MTCL1: variants seen among roughly 807,000 people sequenced by gnomAD.
MTCL1 encodes microtubule cross-linking factor 1.
A neutral mutation model predicts 141.4 loss-of-function variants in MTCL1; 79 were observed. That is an observed-to-expected ratio of 0.56 (90% CI 0.47 to 0.67). The LOEUF (loss-of-function observed/expected upper bound fraction) is 0.67, where lower values mean the gene tolerates loss of function less well. Ranked by LOEUF, MTCL1 falls within the 30% of genes least tolerant of loss-of-function variation. The pLI is 0.00. For missense variants in MTCL1, 2,177 were observed against 2,113.9 expected, an observed-to-expected ratio of 1.03 and a Z score of -0.59; for synonymous variants, 914 against 875.8, an observed-to-expected ratio of 1.04 and a Z score of -0.77.
At position 8,743,662 on chromosome 18, in the gene MTCL1, C is replaced by T. The variant is rs545392841; in HGVS notation, c.357+23166C>T. On this transcript the variant is annotated intron_variant, in intron 4 of 16. Coordinates refer to ENST00000359865, the Ensembl canonical transcript of MTCL1. ...TCTTCATCTTCAAAGCCAGCAATGG[C>T]GGGCTGAGAGCTTTCCCTGCCATTT... Among the ~76,000 whole-genome samples, 390 of 152,354 alleles carry T rather than the reference C, an allele frequency of 2.6e-3. 3 individuals are homozygous for T. Among genetic ancestry groups the T allele is most frequent in the Non-Finnish European group, 4.1e-3 (281 of 68,036 alleles).
At chr18:8,718,914 T>G (rs1424909558) in intron 3 of MTCL1, among the ~76,000 whole-genome samples, 1 of 150,794 alleles carries the variant, frequency 6.6e-6, no homozygotes, top group African/African-American at 2.5e-5. Context: ...GGTCTGACAA[T>G]TGGATAGAAA....
intron 4 of MTCL1, among the ~76,000 whole-genome samples, chr18:8,742,238 C>T (rs1308461803): frequency 6.6e-6 from 1 of 152,156 alleles, no homozygotes; most frequent in Non-Finnish European, 1.5e-5. Flanking sequence ...CGTGAGATAC[C>T]TGTCTCCAAC....
exon 11 of MTCL1, chr18:8,806,997 A>G (rs370599907): frequency 4.3e-6 from 7 of 1,613,834 alleles, no homozygotes; most frequent in African/African-American, 2.7e-5. Context: ...TGCAGCAGCA[A>G]TATGCCAGCG....
At chr18:8,800,240 T>C (rs2076071279) in intron 10 of MTCL1, among the ~76,000 whole-genome samples, 1 of 152,210 alleles carries the variant, frequency 6.6e-6, no homozygotes, top group Admixed American at 6.5e-5. Context: ...CTCACAGAGC[T>C]GCACAGAGCC....
In MTCL1 at chr18:8,825,916, G is replaced by A. The variant is rs770565324; in HGVS notation, c.4406G>A (p.Arg1469Gln). ...CAGAAGGGGCTGCGGGCCGGCAGTCGGTCTCGCTCAGCAGAGCCCCGACCA... is the reference window on the plus strand; with the variant it reads ...CAGAAGGGGCTGCGGGCCGGCAGTCAGTCTCGCTCAGCAGAGCCCCGACCA... The change falls in exon 15 of 17, where the codon CGG becomes CAG. Residue 1469 changes from arginine (R) to glutamine (Q), a missense_variant. Transcript: ENST00000359865. 2.4e-5 allele frequency: 38 copies of A among 1,609,762 alleles called. No individual in the cohort carries two copies. The highest frequency in any genetic ancestry group is 8.0e-5 in the African/African-American group (6 of 74,912).
At chr18:8,793,189 G>A (rs754520868) in intron 8 of MTCL1, 69 bp downstream of exon 7, 73 of 1,587,996 alleles carry the variant, frequency 4.6e-5, no homozygotes, top group Non-Finnish European at 5.8e-5. Context: ...GAAATGCCAC[G>A]ATACATTTTC....
exon 1 of MTCL1, chr18:8,706,042 G>A: frequency 8.4e-7 from 1 of 1,184,342 alleles, no homozygotes; most frequent in Non-Finnish European, 1.0e-6. Context: ...GGCTGCCCTG[G>A]GAAGCAGGAG....
At chr18:8,728,946 G>C (rs2096235010) in intron 4 of MTCL1, among the ~76,000 whole-genome samples, 1 of 151,788 alleles carries the variant, frequency 6.6e-6, no homozygotes, top group Non-Finnish European at 1.5e-5. Flanking sequence ...ATGTTGGCCA[G>C]GCTGGTCTCA....
exon 6 of MTCL1, chr18:8,783,578 G>T: frequency 3.1e-6 from 5 of 1,612,464 alleles, no homozygotes; most frequent in Non-Finnish European, 4.2e-6. Flanking sequence ...CAAAGAGGAA[G>T]CCTTCCTGAT....
intron 4 of MTCL1, 21 bp downstream of exon 3, chr18:8,720,517 T>C (rs2096163138): frequency 6.2e-7 from 1 of 1,607,328 alleles, no homozygotes; most frequent in East Asian, 2.2e-5. Context: ...ACTGTGGGGG[T>C]CCTGCCCCCT....
At chr18:8,825,210 A>C in exon 15 of MTCL1, 1 of 1,595,442 alleles carries the variant, frequency 6.3e-7, no homozygotes, top group Non-Finnish European at 8.5e-7. Flanking sequence ...TCCAGAACCC[A>C]TGCTCAGCAG....
intron 7 of MTCL1, among the ~76,000 whole-genome samples, chr18:8,790,945 G>T (rs1214907823): frequency 1.3e-5 from 2 of 152,216 alleles, no homozygotes; most frequent in African/African-American, 2.4e-5. Context: ...AACCTGGGAG[G>T]TGGAGGTTGC....
chr18:8,729,532 A>G (rs1360349170), intron 4 of MTCL1, among the ~76,000 whole-genome samples: 1 of 151,710 alleles, frequency 6.6e-6, no homozygotes, highest in Non-Finnish European at 1.5e-5. Flanking sequence ...CCTTCTGAGT[A>G]ACTAGGACTA....
At position 8,783,854 on chromosome 18, in the gene MTCL1, C is replaced by T. The variant is rs370413674; in HGVS notation, c.742C>T (p.Arg248Trp). The T allele has an allele frequency of 2.5e-5, 41 of 1,612,798 alleles. No homozygotes were observed. Among genetic ancestry groups the T allele is most frequent in the Non-Finnish European group, 3.3e-5 (39 of 1,179,854 alleles). Residue 248 changes from arginine to tryptophan, a missense_variant, in exon 6 of 17, where the codon CGG becomes TGG. By Grantham distance (101) the Arg-to-Trp change is moderately radical (BLOSUM62 -3). Coordinates refer to ENST00000359865, the Ensembl canonical transcript of MTCL1. ...GGAGGACATGCGGGGCCAGCAGGAG[C>T]GGGAGGGCCCGGGTCGGGACCACGC...
chr18:8,736,635 A>AT lies in MTCL1; in HGVS notation c.357+16159dup, dbSNP rs34650032. Among the ~76,000 whole-genome samples the AT allele has an allele frequency of 5.9e-3, 692 of 117,646 alleles. 6 individuals are homozygous for AT. Among genetic ancestry groups the AT allele is most frequent in the Non-Finnish European group, 8.3e-3 (472 of 56,872 alleles). The allele number at this position is 117,646 out of a possible 152,430, so 77.2% of individuals were successfully genotyped here. A position where few individuals can be genotyped will look rare whatever the true frequency, so the allele number is the denominator to read the frequency against. ...CATTGGGGGCCTTCTATATCCATGT[A>AT]TTTTTTTTTTTTTTTTTTTTGAGAT... On this transcript the variant is annotated intron_variant, in intron 4 of 16. Transcript: ENST00000359865.
chr18:8,716,569 ATTT>A (rs138840096), upstream of MTCL1, among the ~76,000 whole-genome samples: 8,540 of 103,790 alleles, frequency 0.082, 326 homozygotes, highest in African/African-American at 0.25. Flanking sequence ...CTTTTTGTTC[ATTT>A]TTTTTTTTTT....
chr18:8,784,000 A>G, exon 6 of MTCL1: 1 of 1,613,708 alleles, frequency 6.2e-7, no homozygotes, highest in Non-Finnish European at 8.5e-7. Flanking sequence ...CCGAGATCGA[A>G]GACCACAACC....
chr18:8,792,607 T>A (rs1364102665), intron 7 of MTCL1, among the ~76,000 whole-genome samples: 1 of 152,206 alleles, frequency 6.6e-6, no homozygotes, highest in African/African-American at 2.4e-5. Context: ...GAGGCTGACG[T>A]GTAATAGGTG....
chr18:8,827,017 G>A (rs2077048426), intron 15 of MTCL1, among the ~76,000 whole-genome samples: 1 of 152,220 alleles, frequency 6.6e-6, no homozygotes, highest in Non-Finnish European at 1.5e-5. Context: ...GATGGCTATG[G>A]TGATGCCACT....
Sources: gnomAD v4.1 joint callset for allele counts (sites outside exome capture counted in the v4.1 genomes callset) on GRCh38, gnomAD v4.1.1 for gene constraint, MANE v1.5 for transcripts, NCBI Gene and HGNC (gene_info 2026-07-23, HGNC 2026-07-21) for gene names.